The following DDX46 variants were observed in gnomAD, a reference collection of about 807,000 sequenced individuals.
The protein encoded by DDX46 is DEAD-box helicase 46, also known as probable ATP-dependent RNA helicase DDX46.
Under a neutral mutation model 134.9 loss-of-function variants are expected in DDX46, and 30 were observed. That is an observed-to-expected ratio of 0.22 (90% CI 0.17 to 0.30). The LOEUF is 0.30. DDX46 is among the 10% of genes least tolerant of loss of function. The probability of loss-of-function intolerance (pLI) is 1.00; values close to 1 mark genes in which losing one functional copy is unlikely to be tolerated. For synonymous variants in DDX46, 415 were observed against 404.1 expected (o/e 1.03, Z -0.32); for missense variants, 622 against 1,248.7 (o/e 0.50, Z 7.56).
intron 15 of DDX46, among the ~76,000 whole-genome samples, chr5:134,801,541 G>A (rs970766121): frequency 3.3e-5 from 5 of 152,046 alleles, no homozygotes; most frequent in African/African-American, 1.2e-4. Flanking sequence ...GGGACTATAC[G>A]AATGTGCCAC....
In DDX46 at chr5:134,819,013, T is replaced by G. The variant is rs748482462; in HGVS notation, c.2977+9T>G. 2 of 1,611,836 alleles carry G rather than the reference T, an allele frequency of 1.2e-6. No homozygotes were observed. The highest frequency in any genetic ancestry group is 1.7e-6 in the Non-Finnish European group (2 of 1,179,082). Reference sequence around the variant, plus strand: ...TTACTTGGCAATTGAAAGTATGTACTGTTAGTTCTGTTTCAATCTTGAATT... The same window carrying G: ...TTACTTGGCAATTGAAAGTATGTACGGTTAGTTCTGTTTCAATCTTGAATT... On this transcript the variant is annotated intron_variant, in intron 21 of 22. Transcript: ENST00000452510.
At chr5:134,807,432 T>C (rs1000307450) in intron 15 of DDX46, among the ~76,000 whole-genome samples, 8 of 152,122 alleles carry the variant, frequency 5.3e-5, no homozygotes, top group Non-Finnish European at 8.8e-5. Context: ...CTAACTCTTG[T>C]CAATATAGGC....
intron 18 of DDX46, among the ~76,000 whole-genome samples, chr5:134,813,258 A>C (rs909510197): frequency 1.3e-5 from 2 of 152,168 alleles, no homozygotes; most frequent in Admixed American, 6.5e-5. Context: ...TCATTTTTTA[A>C]ATTTATCTGT....
At chr5:134,778,924 G>A (rs986216735) in intron 6 of DDX46, among the ~76,000 whole-genome samples, 6 of 151,746 alleles carry the variant, frequency 4.0e-5, no homozygotes, top group Admixed American at 2.0e-4. Context: ...GAGATGGAGT[G>A]TCGCCTTTGT....
At chr5:134,821,284 C>T (rs188103334) in intron 21 of DDX46, among the ~76,000 whole-genome samples, 7 of 151,712 alleles carry the variant, frequency 4.6e-5, no homozygotes, top group South Asian at 2.1e-4. Flanking sequence ...CCTTGTGATC[C>T]GCCCGCCTCG....
intron 15 of DDX46, among the ~76,000 whole-genome samples, chr5:134,804,008 C>T (rs1423314374): frequency 7.0e-6 from 1 of 142,906 alleles, no homozygotes; most frequent in Non-Finnish European, 1.5e-5. Context: ...TCACAGCTTA[C>T]TGCATCCTCG....
In DDX46 at chr5:134,817,396, C is replaced by T. The variant is rs1263049712; in HGVS notation, c.2614-100C>T. ...TAGAAAGGTTTATTTATTAAACTTGCATACAAAGTTAGTAGCTTTTCAGAG... is the reference window on the plus strand; with the variant it reads ...TAGAAAGGTTTATTTATTAAACTTGTATACAAAGTTAGTAGCTTTTCAGAG... On this transcript the variant is annotated intron_variant, in intron 19 of 22. Transcript: ENST00000452510. 3.6e-6 allele frequency: 4 copies of T among 1,124,132 alleles called. No homozygotes were observed. The East Asian group carries it at 7.7e-5, about 22-fold the overall frequency. 69.6% of individuals were successfully genotyped at this position (1,124,132 alleles called of 1,614,324 possible). A position where few individuals can be genotyped will look rare whatever the true frequency, so the allele number is the denominator to read the frequency against.
intron 6 of DDX46, 47 bp downstream of exon 6, chr5:134,777,772 CTT>C (rs1253834172): frequency 1.3e-6 from 2 of 1,563,184 alleles, no homozygotes; most frequent in African/African-American, 1.4e-5. Context: ...TCTTGGGTAA[CTT>C]GAGTTCTCCA....
Position 134,788,562 on chromosome 5 carries a change from G to A in DDX46, c.1514G>A (p.Arg505Gln), listed in dbSNP as rs1754410645. 6.2e-7 allele frequency: 1 copy of A among 1,613,868 alleles called. No homozygotes were observed. The highest frequency in any genetic ancestry group is 1.7e-5 in the Admixed American group (1 of 59,990). Residue 505 changes from arginine (R) to glutamine (Q), a missense_variant, in exon 12 of 23, where the codon CGA becomes CAA. Physicochemically the swap from Arg to Gln is conservative, Grantham distance 43 (BLOSUM62 1). Around this residue, in one of 8 missense-constraint regions of DDX46, gnomAD observed 209 missense variants for 508.4 expected, o/e 0.41. Coordinates refer to ENST00000452510, the MANE Select transcript of DDX46 (RefSeq NM_001300860.2). ...GAEIIVCTPGRMIDMLAANSG... is the reference protein window; with the variant it reads ...GAEIIVCTPGQMIDMLAANSG... ...GAAATTATTGTTTGCACACCTGGTC[G>A]AATGATTGACATGTTAGCCGCTAAC...
intron 6 of DDX46, among the ~76,000 whole-genome samples, chr5:134,778,927 G>T (rs1342160165): frequency 6.6e-6 from 1 of 151,478 alleles, no homozygotes; most frequent in African/African-American, 2.4e-5. Flanking sequence ...ATGGAGTGTC[G>T]CCTTTGTTGC....
intron 13 of DDX46, among the ~76,000 whole-genome samples, chr5:134,791,585 G>A (rs1439601276): frequency 6.6e-6 from 1 of 151,794 alleles, no homozygotes; most frequent in Non-Finnish European, 1.5e-5. Flanking sequence ...GTGGTAGAAG[G>A]TTTTCTTAAG....
chr5:134,778,691 A>T lies in DDX46; in HGVS notation c.765+966A>T, dbSNP rs1452075520. On this transcript the variant is annotated intron_variant, in intron 6 of 22. Transcript: ENST00000452510. ...CAAGTTCAAGCGATTCTCCTGCCTC[A>T]GCCTCCCAAGTAGCTGGGATTACAG... 2.0e-5 allele frequency among the ~76,000 whole-genome samples: 3 copies of T among 152,032 alleles called. No homozygotes were observed. In the East Asian group the frequency reaches 5.8e-4, roughly 29 times the overall value.
At chr5:134,804,866 G>GGATTTAACACACATTTAAC (rs1754936231) in intron 15 of DDX46, 3 of 394,144 alleles carry the variant, frequency 7.6e-6, no homozygotes, top group African/African-American at 2.1e-5. Context: ...ATCCTGTCAT[G>GGATTTAACACACATTTAAC]ATCACATTTA....
chr5:134,777,357 T>C (rs1270791754), intron 5 of DDX46, among the ~76,000 whole-genome samples: 12 of 152,254 alleles, frequency 7.9e-5, no homozygotes, highest in African/African-American at 2.9e-4. Context: ...TTATTCATAT[T>C]TATTTTGTCA....
intron 6 of DDX46, among the ~76,000 whole-genome samples, chr5:134,779,623 T>C (rs538113327): frequency 6.8e-4 from 104 of 152,296 alleles, no homozygotes; most frequent in African/African-American, 2.3e-3. Context: ...TTCAACCTTC[T>C]TAGTAGTTAG....
intron 12 of DDX46, chr5:134,789,377 A>G (rs1754436542): frequency 6.6e-6 from 1 of 152,216 alleles, no homozygotes; most frequent in African/African-American, 2.4e-5. Context: ...TATTTTTTGA[A>G]GAAAATGCTC....
intron 3 of DDX46, among the ~76,000 whole-genome samples, chr5:134,770,318 G>A (rs547895809): frequency 2.0e-5 from 3 of 151,204 alleles, no homozygotes; most frequent in Admixed American, 6.6e-5. Context: ...TCAAGTGATC[G>A]TCTTGTTTCT....
At chr5:134,766,673 A>G (rs918168386) in intron 2 of DDX46, among the ~76,000 whole-genome samples, 8 of 152,212 alleles carry the variant, frequency 5.3e-5, no homozygotes, top group Non-Finnish European at 7.3e-5. Context: ...GTGAGCTGCA[A>G]TTGTGCCACT....
chr5:134,829,499 C>T lies in DDX46; in HGVS notation c.*793C>T, dbSNP rs951146587. 5.3e-5 allele frequency: 8 copies of T among 152,132 alleles called. No homozygotes were observed. The highest frequency in any genetic ancestry group is 9.7e-5 in the African/African-American group (4 of 41,426). The allele number at this position is 152,132 out of a possible 1,614,324, so 9.4% of individuals were successfully genotyped here. On this transcript the variant is annotated 3_prime_UTR_variant, in exon 23 of 23. Coordinates refer to ENST00000452510, the MANE Select transcript of DDX46 (RefSeq NM_001300860.2). ...GAAAGTGTTTATTTATATATCTATA[C>T]ATGTTGTATGTACAAATATCCTACT...
Sources: allele counts gnomAD v4.1 joint callset (sites outside exome capture counted in the v4.1 genomes callset), GRCh38; gene constraint gnomAD v4.1.1; regional missense constraint gnomAD v4.1.1; transcripts MANE v1.5; gene names NCBI Gene and HGNC (gene_info 2026-07-23, HGNC 2026-07-21).